GNAO1: variants seen among roughly 807,000 people sequenced by gnomAD.
GNAO1 encodes the protein G protein subunit alpha o1.
For missense variants in GNAO1, 166 were observed against 478.7 expected (o/e 0.35, Z 6.10); for synonymous variants, 164 against 180.7 (o/e 0.91, Z 0.74).
chr16:56,238,676 T>G (rs991779093), intron 2 of GNAO1, among the ~76,000 whole-genome samples: 1 of 152,254 alleles, frequency 6.6e-6, no homozygotes, highest in African/African-American at 2.4e-5. Flanking sequence ...AGCAGTAGAC[T>G]CAGGCCCATT....
chr16:56,265,891 C>G (rs1235856516), intron 2 of GNAO1, among the ~76,000 whole-genome samples: 4 of 152,130 alleles, frequency 2.6e-5, no homozygotes, highest in Admixed American at 1.3e-4. Flanking sequence ...CCTCATCCCC[C>G]ACTTTCCCTA....
chr16:56,331,009 T>C (rs1221534237), intron 4 of GNAO1, among the ~76,000 whole-genome samples: 1 of 152,246 alleles, frequency 6.6e-6, no homozygotes, highest in Non-Finnish European at 1.5e-5. Flanking sequence ...TCTTAGCAGT[T>C]AGACCTCAGC....
intron 6 of GNAO1, chr16:56,346,127 C>G (rs2037865779): frequency 2.0e-6 from 2 of 985,622 alleles, no homozygotes; most frequent in Non-Finnish European, 2.4e-6. Flanking sequence ...TTGCACTGCT[C>G]TCAATCCTCC....
At chr16:56,245,648 T>A (rs2036736631) in intron 2 of GNAO1, 1 of 154,748 alleles carries the variant, frequency 6.5e-6, no homozygotes, top group South Asian at 2.0e-4. Flanking sequence ...CTAGGGCACT[T>A]GAATAGAAAG....
At chr16:56,236,442 G>A (rs1446266664) in intron 2 of GNAO1, among the ~76,000 whole-genome samples, 1 of 152,138 alleles carries the variant, frequency 6.6e-6, no homozygotes, top group East Asian at 1.9e-4. Flanking sequence ...GAAAGTGGAG[G>A]TGGCTTTCTT....
intron 2 of GNAO1, among the ~76,000 whole-genome samples, chr16:56,260,461 C>T (rs2036892632): frequency 6.6e-6 from 1 of 152,152 alleles, no homozygotes; most frequent in South Asian, 2.1e-4. Flanking sequence ...GCCTTTGTCT[C>T]AGAGAGACCC....
chr16:56,251,980 G>T (rs1353998555), intron 2 of GNAO1, among the ~76,000 whole-genome samples: 2 of 152,170 alleles, frequency 1.3e-5, no homozygotes, highest in Admixed American at 1.3e-4. Context: ...AATCCTCTGA[G>T]GCCCTGGTGC....
chr16:56,204,898 G>A (rs1252038458), intron 2 of GNAO1, among the ~76,000 whole-genome samples: 1 of 152,030 alleles, frequency 6.6e-6, no homozygotes, highest in Non-Finnish European at 1.5e-5. Flanking sequence ...AAACTGGATC[G>A]CGTGATCTAT....
intron 2 of GNAO1, among the ~76,000 whole-genome samples, chr16:56,212,988 C>T (rs1276274065): frequency 6.6e-6 from 1 of 152,218 alleles, no homozygotes; most frequent in Non-Finnish European, 1.5e-5. Flanking sequence ...GGTCAGGCTG[C>T]CTGTGGGCAG....
At position 56,336,740 on chromosome 16, in the gene GNAO1, C is replaced by T. The variant is rs1385035890; in HGVS notation, c.603C>T (p.Asp201=). The part of the protein sequence containing the change: ...TFKNLHFRLF[D]VGGQRSERKK... The stretch of plus-strand genomic sequence containing the variant: ...TCCCTGCCTCCTACAGGCTGTTTGA[C>T]GTCGGAGGCCAGCGATCTGAACGCA... The change falls in exon 6 of 9, where the codon GAC becomes GAT. Residue 201 remains aspartate, a synonymous_variant. Coordinates refer to ENST00000262493, the MANE Select transcript of GNAO1 (RefSeq NM_020988.3). The T allele has an allele frequency of 8.7e-6, 14 of 1,610,964 alleles. No individual in the cohort carries two copies. In the East Asian group the frequency reaches 1.1e-4, roughly 13 times the overall value.
intron 2 of GNAO1, among the ~76,000 whole-genome samples, chr16:56,257,504 T>C (rs1389056956): frequency 3.9e-5 from 6 of 152,156 alleles, no homozygotes; most frequent in Admixed American, 3.3e-4. Context: ...TGGCCAACCT[T>C]CCAGCTGTGT....
chr16:56,246,437 T>A (rs1239819671), intron 2 of GNAO1, among the ~76,000 whole-genome samples: 1 of 152,158 alleles, frequency 6.6e-6, no homozygotes, highest in Non-Finnish European at 1.5e-5. Context: ...GAAACACGGA[T>A]CCTGTTGCAG....
At chr16:56,206,654 C>T (rs1324537645) in intron 2 of GNAO1, among the ~76,000 whole-genome samples, 1 of 152,056 alleles carries the variant, frequency 6.6e-6, no homozygotes, top group Non-Finnish European at 1.5e-5. Flanking sequence ...AACTGTATAC[C>T]TAAAAAGGGT....
chr16:56,274,646 G>A (rs895015048), intron 2 of GNAO1, among the ~76,000 whole-genome samples: 6 of 152,218 alleles, frequency 3.9e-5, no homozygotes, highest in Admixed American at 3.3e-4. Flanking sequence ...ATTGTGCTAA[G>A]TGAAAGAAAC....
intron 6 of GNAO1, among the ~76,000 whole-genome samples, chr16:56,337,955 C>T (rs1173252550): frequency 6.6e-6 from 1 of 152,222 alleles, no homozygotes; most frequent in East Asian, 1.9e-4. Flanking sequence ...CACCCCACGC[C>T]TCTGAAGGCT....
intron 2 of GNAO1, among the ~76,000 whole-genome samples, chr16:56,262,722 C>T (rs1017636921): frequency 6.6e-6 from 1 of 152,132 alleles, no homozygotes; most frequent in Non-Finnish European, 1.5e-5. Context: ...CAGCAGAATA[C>T]GAAAGGGAGA....
At position 56,355,155 on chromosome 16, in the gene GNAO1, C is replaced by CACACA. The variant is rs1596883747; in HGVS notation, c.*28+74_*28+75insACACA. The CACACA allele has an allele frequency of 4.3e-4, 219 of 512,156 alleles. 1 individual carries two copies. The highest frequency in any genetic ancestry group is 2.1e-3 in the South Asian group (52 of 25,248). The allele number at this position is 512,156 out of a possible 1,614,324, so 31.7% of individuals were successfully genotyped here. ...ACACACACACACACACACACACACACCACTAACAAATGCAAGTTGGTAAAT... is the reference window on the plus strand; with the variant it reads ...ACACACACACACACACACACACACACACACACACTAACAAATGCAAGTTGGTAAAT... On this transcript the variant is annotated intron_variant, in intron 8 of 8. Coordinates refer to ENST00000262493, the MANE Select transcript of GNAO1 (RefSeq NM_020988.3).
chr16:56,308,496 T>C (rs1479502636), intron 3 of GNAO1, among the ~76,000 whole-genome samples: 4 of 152,154 alleles, frequency 2.6e-5, no homozygotes. Context: ...GGAGTCTAAC[T>C]GGGGACACAT....
intron 3 of GNAO1, among the ~76,000 whole-genome samples, chr16:56,308,936 T>G (rs2037426591): frequency 6.6e-6 from 1 of 151,430 alleles, no homozygotes; most frequent in Non-Finnish European, 1.5e-5. Flanking sequence ...TTTCATCAGG[T>G]CAAGTCTAAC....
Sources: allele counts gnomAD v4.1 joint callset (sites outside exome capture counted in the v4.1 genomes callset), GRCh38; gene constraint gnomAD v4.1.1; transcripts MANE v1.5; gene names NCBI Gene and HGNC (gene_info 2026-07-23, HGNC 2026-07-21).